Variants in LMO1 observed in about 807,000 individuals in gnomAD.
LMO1 encodes the protein LIM domain only 1.
LMO1 carries 10 observed loss-of-function variants against 18.0 expected under a neutral mutation model. The observed-to-expected ratio is 0.55, with a 90% CI of 0.34 to 0.94. The LOEUF is 0.94. LMO1 is among the 40% of genes least tolerant of loss of function. LMO1 has a pLI of 0.02. For missense variants in LMO1, 183 were observed against 205.7 expected, an observed-to-expected ratio of 0.89 and a Z score of 0.68; for synonymous variants, 77 against 77.9, an observed-to-expected ratio of 0.99 and a Z score of 0.06.
At chr11:8,268,340 G>C (rs1847281978), upstream of LMO1, 9 of 1,194,042 alleles carry the variant, frequency 7.5e-6, no homozygotes, top group South Asian at 1.2e-4. Context: ...CGCCGCTAGC[G>C]GGGTGGACTC....
At chr11:8,268,646 G>A (rs1365595797), upstream of LMO1, 3 of 332,256 alleles carry the variant, frequency 9.0e-6, no homozygotes, top group East Asian at 9.1e-5. Context: ...AGGAGGGACT[G>A]GGGGGAAGGC....
intron 1 of LMO1, 71 bp from the exon 2 acceptor site, chr11:8,230,575 A>G: frequency 1.4e-6 from 2 of 1,458,014 alleles, no homozygotes; most frequent in Non-Finnish European, 9.4e-7. Context: ...ATATCCCCCA[A>G]GAATGGGGAG....
intron 1 of LMO1, among the ~76,000 whole-genome samples, chr11:8,236,888 TATAA>T (rs1170850419): frequency 1.3e-4 from 20 of 152,340 alleles, no homozygotes; most frequent in South Asian, 1.2e-3. Context: ...GGTGTGCTTA[TATAA>T]ATATACACTT....
At chr11:8,246,469 A>G (rs111466584) in intron 1 of LMO1, among the ~76,000 whole-genome samples, 2,770 of 152,338 alleles carry the variant, frequency 0.018, 43 homozygotes, top group Non-Finnish European at 0.024. Context: ...TTCCATTTAT[A>G]TGAAATGTCC....
intron 1 of LMO1, among the ~76,000 whole-genome samples, chr11:8,245,629 C>T (rs1032934048): frequency 4.6e-5 from 7 of 152,116 alleles, no homozygotes; most frequent in African/African-American, 1.7e-4. Context: ...TGGGGAAGTA[C>T]CAGGCTAAGG....
chr11:8,230,003 G>A (rs1952623184), intron 2 of LMO1, among the ~76,000 whole-genome samples: 1 of 152,218 alleles, frequency 6.6e-6, no homozygotes, highest in Non-Finnish European at 1.5e-5. Flanking sequence ...AGGCAGGGGG[G>A]CGGAGCCAGA....
chr11:8,246,119 A>G (rs1437617167), intron 1 of LMO1, among the ~76,000 whole-genome samples: 3 of 152,206 alleles, frequency 2.0e-5, no homozygotes, highest in African/African-American at 7.2e-5. Context: ...AACACTGGGA[A>G]TCTCATTTCA....
intron 1 of LMO1, among the ~76,000 whole-genome samples, chr11:8,252,025 T>C (rs1484625192): frequency 6.6e-6 from 1 of 151,968 alleles, no homozygotes. Context: ...TGAGTGTGTG[T>C]GTGAGCATGT....
At chr11:8,237,315 G>A (rs1475980857) in intron 1 of LMO1, among the ~76,000 whole-genome samples, 1 of 152,150 alleles carries the variant, frequency 6.6e-6, no homozygotes, top group Non-Finnish European at 1.5e-5. Flanking sequence ...TCTTTAATAA[G>A]GAAATTTGAA....
chr11:8,225,455 G>A (rs140376578), intron 3 of LMO1, among the ~76,000 whole-genome samples: 6 of 148,638 alleles, frequency 4.0e-5, no homozygotes, highest in South Asian at 4.4e-4. Flanking sequence ...TAAGGAAGGA[G>A]GGATAAAATG....
intron 1 of LMO1, among the ~76,000 whole-genome samples, chr11:8,252,134 C>T (rs971297560): frequency 1.3e-5 from 2 of 152,186 alleles, no homozygotes; most frequent in Admixed American, 6.5e-5. Context: ...TCATGGCAGG[C>T]GGGGCCTGTT....
intron 1 of LMO1, among the ~76,000 whole-genome samples, chr11:8,259,396 G>C (rs1565188690): frequency 6.6e-6 from 1 of 152,214 alleles, no homozygotes; most frequent in Non-Finnish European, 1.5e-5. Context: ...GGAAGCGGCT[G>C]TATGTGCAGC....
chr11:8,245,781 C>G (rs1250182435), intron 1 of LMO1, among the ~76,000 whole-genome samples: 1 of 152,158 alleles, frequency 6.6e-6, no homozygotes, highest in African/African-American at 2.4e-5. Context: ...TCTTGTGTTG[C>G]TATAAAGACA....
At chr11:8,249,244 G>T (rs1846946784) in intron 1 of LMO1, among the ~76,000 whole-genome samples, 1 of 152,150 alleles carries the variant, frequency 6.6e-6, no homozygotes, top group African/African-American at 2.4e-5. Flanking sequence ...CACAGACCCA[G>T]ACTGCGAGCT....
chr11:8,254,594 G>A (rs1190643220), intron 1 of LMO1, among the ~76,000 whole-genome samples: 5 of 133,026 alleles, frequency 3.8e-5, no homozygotes, highest in Non-Finnish European at 3.5e-5. Flanking sequence ...AAGAGGCAAC[G>A]GGGACTGACC....
intron 2 of LMO1, among the ~76,000 whole-genome samples, chr11:8,229,177 C>CG (rs1480715401): frequency 6.6e-6 from 1 of 152,150 alleles, no homozygotes; most frequent in Non-Finnish European, 1.5e-5. Flanking sequence ...CATAAGCCAC[C>CG]GCGCCTAGCC....
intron 2 of LMO1, among the ~76,000 whole-genome samples, chr11:8,228,605 C>A (rs1952592697): frequency 6.6e-6 from 1 of 151,702 alleles, no homozygotes; most frequent in Non-Finnish European, 1.5e-5. Context: ...CGCATCCCAG[C>A]CCACTGGTCT....
chr11:8,261,572 G>C (rs765394659), intron 1 of LMO1, among the ~76,000 whole-genome samples: 5 of 152,206 alleles, frequency 3.3e-5, no homozygotes, highest in Non-Finnish European at 7.4e-5. Flanking sequence ...TGGGCCTGGG[G>C]AGCCAAGTAT....
At chr11:8,258,336 C>T (rs1043481497) in intron 1 of LMO1, among the ~76,000 whole-genome samples, 1 of 152,198 alleles carries the variant, frequency 6.6e-6, no homozygotes, top group African/African-American at 2.4e-5. Flanking sequence ...ACTCCCTGGG[C>T]CTGCATCTGC....
Sources: allele counts gnomAD v4.1 joint callset (sites outside exome capture counted in the v4.1 genomes callset), GRCh38; gene constraint gnomAD v4.1.1; transcripts MANE v1.5; gene names NCBI Gene and HGNC (gene_info 2026-07-23, HGNC 2026-07-21).